SUCLG2: variants seen among roughly 807,000 people sequenced by gnomAD.
SUCLG2 encodes the protein succinate-CoA ligase GDP-forming subunit beta.
Under a neutral mutation model 47.9 loss-of-function variants are expected in SUCLG2, and 42 were observed. The observed-to-expected ratio is 0.88, with a 90% CI of 0.69 to 1.14. The LOEUF (loss-of-function observed/expected upper bound fraction) is 1.14. SUCLG2 is among the 50% of genes most tolerant of loss of function. The pLI, the probability that SUCLG2 is intolerant of heterozygous loss-of-function variation, is 0.00. For synonymous variants in SUCLG2, 195 were observed against 197.3 expected, an observed-to-expected ratio of 0.99 and a Z score of 0.10; for missense variants, 571 against 525.9, an observed-to-expected ratio of 1.09 and a Z score of -0.84.
chr3:67,547,504 C>A (rs1245274289), intron 2 of SUCLG2, among the ~76,000 whole-genome samples: 1 of 152,162 alleles, frequency 6.6e-6, no homozygotes, highest in Non-Finnish European at 1.5e-5. Context: ...CCCTTAAATC[C>A]AGCTGCAGCC....
At chr3:67,598,136 A>T (rs1175759162) in intron 2 of SUCLG2, among the ~76,000 whole-genome samples, 1 of 151,918 alleles carries the variant, frequency 6.6e-6, no homozygotes. Context: ...GCATGCCGCC[A>T]TGCCCAGCTA....
intron 10 of SUCLG2, among the ~76,000 whole-genome samples, chr3:67,389,704 T>G (rs1702338115): frequency 6.6e-6 from 1 of 152,182 alleles, no homozygotes; most frequent in African/African-American, 2.4e-5. Flanking sequence ...TCCTTCTGTT[T>G]TTTTTTTCTA....
intron 2 of SUCLG2, among the ~76,000 whole-genome samples, chr3:67,559,939 A>T (rs1707264792): frequency 1.5e-5 from 2 of 136,896 alleles, no homozygotes; most frequent in Non-Finnish European, 3.1e-5. Flanking sequence ...CTGGTGGGGG[A>T]TGTTGGTATT....
In SUCLG2 at chr3:67,616,458, T is replaced by C. The variant is rs185193116; in HGVS notation, c.85-6862A>G. On this transcript the variant is annotated intron_variant, in intron 1 of 10. Transcript: ENST00000307227. ...ACAGATACATGCATAAGTAAATGTA[T>C]AGGAAAAGGTCCAGATGATGTTCAC... Among the ~76,000 whole-genome samples the C allele has an allele frequency of 4.2e-3, 644 of 152,274 alleles. 7 individuals are homozygous for C. The highest frequency in any genetic ancestry group is 0.014 in the African/African-American group (595 of 41,552).
rs186723218 is a variant in SUCLG2 at position 67,405,714 on chromosome 3, G to A, written c.1063-4863C>T. 4.4e-4 allele frequency among the ~76,000 whole-genome samples: 67 copies of A among 152,242 alleles called. 1 individual carries two copies. In the East Asian group the frequency reaches 7.0e-3, roughly 16 times the overall value. ...GTTTCAGAGGAATAGTGAATTCTTC[G>A]CAGCTGTCCACAGAATTTTTGTCTG... is the stretch of plus-strand genomic sequence containing the variant. On this transcript the variant is annotated intron_variant, in intron 9 of 10. Transcript: ENST00000307227.
chr3:67,484,537 C>A (rs1257735457), intron 9 of SUCLG2, among the ~76,000 whole-genome samples: 1 of 152,010 alleles, frequency 6.6e-6, no homozygotes, highest in Admixed American at 6.6e-5. Flanking sequence ...AAAACAAAAA[C>A]CTTGAATGGG....
intron 2 of SUCLG2, among the ~76,000 whole-genome samples, chr3:67,590,470 G>T (rs943847623): frequency 1.3e-5 from 2 of 152,120 alleles, no homozygotes; most frequent in Admixed American, 1.3e-4. Context: ...CCTCATGAAT[G>T]GCTTGATGCC....
At position 67,400,773 on chromosome 3, in the gene SUCLG2, G is replaced by C; in HGVS notation, c.1141C>G (p.Arg381Gly). The change falls in exon 10 of 11, where the codon CGG becomes GGG. Residue 381 changes from arginine (R) to glycine (G), a missense_variant. By Grantham distance (125) the Arg-to-Gly change is moderately radical (BLOSUM62 -2). Coordinates refer to ENST00000307227, the MANE Select transcript of SUCLG2 (RefSeq NM_003848.4). ...AGGGGCACCTTGAGTTCTAGCTCCC[G>C]GCAGGCTTTGGTGATCCCATTGGCA... is the stretch of plus-strand genomic sequence containing the variant. ...IIANGITKAC[R>G]ELELKVPLVV... 6.2e-7 allele frequency: 1 copy of C among 1,611,810 alleles called. No homozygotes were observed. Among genetic ancestry groups the C allele is most frequent in the Non-Finnish European group, 8.5e-7 (1 of 1,179,882 alleles).
chr3:67,461,453 G>A (rs1456648938), intron 9 of SUCLG2, among the ~76,000 whole-genome samples: 1 of 152,098 alleles, frequency 6.6e-6, no homozygotes, highest in African/African-American at 2.4e-5. Context: ...GGCATTCTGA[G>A]GGGGAAGGGG....
At chr3:67,453,584 G>A (rs1559532289) in intron 9 of SUCLG2, among the ~76,000 whole-genome samples, 1 of 152,188 alleles carries the variant, frequency 6.6e-6, no homozygotes, top group Non-Finnish European at 1.5e-5. Flanking sequence ...ACGAATGGTG[G>A]GGAGAGGGGC....
chr3:67,484,696 A>G (rs1671759264), intron 9 of SUCLG2, among the ~76,000 whole-genome samples: 1 of 152,224 alleles, frequency 6.6e-6, no homozygotes, highest in Admixed American at 6.5e-5. Context: ...GTGAATAAAT[A>G]AAGAGATTAT....
chr3:67,498,960 G>A (rs1420316350), intron 7 of SUCLG2, among the ~76,000 whole-genome samples: 2 of 152,152 alleles, frequency 1.3e-5, no homozygotes, highest in Non-Finnish European at 2.9e-5. Context: ...AAGCCCCAGA[G>A]GGTCGACTTT....
At chr3:67,525,812 C>T (rs1706240577) in intron 4 of SUCLG2, among the ~76,000 whole-genome samples, 1 of 152,050 alleles carries the variant, frequency 6.6e-6, no homozygotes, top group African/African-American at 2.4e-5. Context: ...ACACTTTTGC[C>T]CTGCAAATGA....
intron 9 of SUCLG2, among the ~76,000 whole-genome samples, chr3:67,461,084 A>T (rs1238674691): frequency 6.6e-6 from 1 of 152,180 alleles, no homozygotes; most frequent in Non-Finnish European, 1.5e-5. Context: ...AGACATTCCA[A>T]TTACATGCAG....
chr3:67,392,336 C>A (rs902503013), intron 10 of SUCLG2, among the ~76,000 whole-genome samples: 7 of 152,200 alleles, frequency 4.6e-5, no homozygotes, highest in African/African-American at 1.7e-4. Flanking sequence ...CCCAGTAAGA[C>A]ATTGAGGGAA....
intron 9 of SUCLG2, among the ~76,000 whole-genome samples, chr3:67,448,328 A>G (rs1252066617): frequency 2.0e-5 from 3 of 152,252 alleles, no homozygotes; most frequent in Non-Finnish European, 4.4e-5. Flanking sequence ...CAGAATACAT[A>G]TATGATGGGT....
chr3:67,621,434 A>G (rs1406503472), intron 1 of SUCLG2, among the ~76,000 whole-genome samples: 1 of 152,210 alleles, frequency 6.6e-6, no homozygotes, highest in Admixed American at 6.5e-5. Context: ...CACTTCTTTA[A>G]AAACAATCTT....
At chr3:67,468,962 C>T (rs1704537746) in intron 9 of SUCLG2, among the ~76,000 whole-genome samples, 1 of 152,142 alleles carries the variant, frequency 6.6e-6, no homozygotes, top group Non-Finnish European at 1.5e-5. Context: ...GTAAGGAGTG[C>T]GTACAAGGCT....
At chr3:67,364,429 C>T (rs1701849264) in intron 10 of SUCLG2, among the ~76,000 whole-genome samples, 3 of 10,496 alleles carry the variant, frequency 2.9e-4, no homozygotes, top group Admixed American at 2.1e-3. Context: ...GGACTTCCAC[C>T]CCCCCCACCC....
Sources: gnomAD v4.1 joint callset for allele counts (sites outside exome capture counted in the v4.1 genomes callset) on GRCh38, gnomAD v4.1.1 for gene constraint, MANE v1.5 for transcripts, NCBI Gene and HGNC (gene_info 2026-07-23, HGNC 2026-07-21) for gene names.